Variants in CABLES1 observed in about 807,000 individuals in gnomAD.
CABLES1 encodes the protein Cdk5 and Abl enzyme substrate 1.
In CABLES1, 36 loss-of-function variants were observed where a neutral mutation model predicts 57.8. That is an observed-to-expected ratio of 0.62 (90% CI 0.48 to 0.82). The LOEUF is 0.82. CABLES1 is among the 40% of genes least tolerant of loss of function. The pLI is 0.00. For synonymous variants in CABLES1, 374 were observed against 363.0 expected, an observed-to-expected ratio of 1.03 and a Z score of -0.35; for missense variants, 767 against 836.6, an observed-to-expected ratio of 0.92 and a Z score of 1.03.
chr18:23,195,389 A>G (rs1475496533), intron 3 of CABLES1, among the ~76,000 whole-genome samples: 1 of 152,222 alleles, frequency 6.6e-6, no homozygotes, highest in Non-Finnish European at 1.5e-5. Context: ...CCTAATTTAT[A>G]GAAGACCATA....
At chr18:23,235,747 A>G in intron 5 of CABLES1, 148 bp from the exon 6 acceptor site, 1 of 870,514 alleles carries the variant, frequency 1.1e-6, no homozygotes, top group Non-Finnish European at 1.8e-6. Flanking sequence ...ACCAAAACAA[A>G]TTTCATTTTT....
At chr18:23,253,685 C>A (rs1568095724) in intron 8 of CABLES1, 44 bp from the exon 9 acceptor site, 1 of 1,550,452 alleles carries the variant, frequency 6.4e-7, no homozygotes, top group Non-Finnish European at 8.8e-7. Context: ...CACTGAAACT[C>A]TAAGTTTTCA....
intron 3 of CABLES1, among the ~76,000 whole-genome samples, chr18:23,196,151 C>T (rs1421563948): frequency 6.6e-6 from 1 of 152,222 alleles, no homozygotes; most frequent in Non-Finnish European, 1.5e-5. Context: ...CCAGCACACT[C>T]TTGACCTAAG....
chr18:23,167,433 A>T (rs2047050646), intron 1 of CABLES1, among the ~76,000 whole-genome samples: 1 of 152,210 alleles, frequency 6.6e-6, no homozygotes, highest in African/African-American at 2.4e-5. Context: ...TCATTAGCTC[A>T]TTCAAAATAT....
intron 1 of CABLES1, 145 bp from the exon 2 acceptor site, chr18:23,188,693 T>C (rs2047220296): frequency 3.0e-6 from 2 of 677,208 alleles, no homozygotes; most frequent in East Asian, 5.6e-5. Flanking sequence ...GGTGGGAACA[T>C]GGCAGCCTCT....
At chr18:23,152,926 C>T (rs1350960779) in intron 1 of CABLES1, among the ~76,000 whole-genome samples, 2 of 151,856 alleles carry the variant, frequency 1.3e-5, no homozygotes, top group Admixed American at 6.6e-5. Flanking sequence ...CTCAGCCTCC[C>T]GAGTAGCTGG....
intron 4 of CABLES1, among the ~76,000 whole-genome samples, chr18:23,229,242 T>G (rs2047549784): frequency 6.6e-6 from 1 of 152,018 alleles, no homozygotes; most frequent in African/African-American, 2.4e-5. Flanking sequence ...TGAAACCCCA[T>G]CTCTACTAAA....
intron 1 of CABLES1, among the ~76,000 whole-genome samples, chr18:23,140,475 C>T (rs1422590382): frequency 6.8e-6 from 1 of 147,236 alleles, no homozygotes; most frequent in Non-Finnish European, 1.5e-5. Context: ...CTTGCTCTGT[C>T]ACCTAGGCTG....
chr18:23,194,739 A>G (rs1396054317), intron 3 of CABLES1, among the ~76,000 whole-genome samples, 199 bp downstream of exon 3: 1 of 152,242 alleles, frequency 6.6e-6, no homozygotes, highest in African/African-American at 2.4e-5. Context: ...AGAATAATGA[A>G]TGCTCTCTAA....
At chr18:23,241,535 A>G (rs2047736772) in intron 7 of CABLES1, among the ~76,000 whole-genome samples, 1 of 152,222 alleles carries the variant, frequency 6.6e-6, no homozygotes, top group Admixed American at 6.5e-5. Context: ...TCTCAAAAAA[A>G]TAAAAATAAA....
chr18:23,140,492 A>G (rs926945333), intron 1 of CABLES1, among the ~76,000 whole-genome samples: 1 of 146,932 alleles, frequency 6.8e-6, no homozygotes, highest in African/African-American at 2.5e-5. Context: ...GCTGGAGTGC[A>G]GTGGCGCCAT....
chr18:23,244,856 G>A (rs1404754869), intron 7 of CABLES1, among the ~76,000 whole-genome samples: 1 of 152,230 alleles, frequency 6.6e-6, no homozygotes, highest in Non-Finnish European at 1.5e-5. Context: ...AACAGTGGCC[G>A]AGTGTACGGC....
chr18:23,201,884 T>TGTGAGGGAGGTGAGGGAG (rs540436825), intron 3 of CABLES1, among the ~76,000 whole-genome samples: 1 of 150,792 alleles, frequency 6.6e-6, no homozygotes, highest in East Asian at 2.0e-4. Context: ...ACAGTGGAGG[T>TGTGAGGGAGGTGAGGGAG]GTGAGGGAGG....
intron 4 of CABLES1, 119 bp from the exon 5 acceptor site, chr18:23,234,489 C>A: frequency 1.3e-6 from 1 of 756,552 alleles, no homozygotes; most frequent in Non-Finnish European, 2.3e-6. Flanking sequence ...TGTCCCATCA[C>A]CAGGGCTCAC....
At chr18:23,220,675 A>C (rs1262018421) in intron 4 of CABLES1, among the ~76,000 whole-genome samples, 1 of 152,122 alleles carries the variant, frequency 6.6e-6, no homozygotes, top group South Asian at 2.1e-4. Flanking sequence ...CTCGGAGGTC[A>C]CAGCTCTCAT....
At chr18:23,155,196 G>C (rs2046957790) in intron 1 of CABLES1, among the ~76,000 whole-genome samples, 1 of 152,140 alleles carries the variant, frequency 6.6e-6, no homozygotes, top group Non-Finnish European at 1.5e-5. Flanking sequence ...TAAAAGTCAA[G>C]GCTGAAATAT....
chr18:23,203,876 G>T (rs1196332049), intron 3 of CABLES1, among the ~76,000 whole-genome samples: 2 of 152,144 alleles, frequency 1.3e-5, no homozygotes, highest in Non-Finnish European at 2.9e-5. Context: ...TCCTCTCGGA[G>T]ATTTTGTTTT....
chr18:23,143,414 A>G (rs1200010862), intron 1 of CABLES1, among the ~76,000 whole-genome samples: 3 of 152,204 alleles, frequency 2.0e-5, no homozygotes, highest in Non-Finnish European at 4.4e-5. Flanking sequence ...CCTAAAGTTT[A>G]AAGCTCTGCT....
chr18:23,155,501 G>A (rs2046959433), intron 1 of CABLES1, among the ~76,000 whole-genome samples: 1 of 152,206 alleles, frequency 6.6e-6, no homozygotes, highest in Non-Finnish European at 1.5e-5. Flanking sequence ...CCCAAGTGAG[G>A]AAGTCTCCAG....
Sources: allele counts gnomAD v4.1 joint callset (sites outside exome capture counted in the v4.1 genomes callset), GRCh38; gene constraint gnomAD v4.1.1; transcripts MANE v1.5; gene names NCBI Gene and HGNC (gene_info 2026-07-23, HGNC 2026-07-21).